UGT2B11: variants seen among roughly 807,000 people sequenced by gnomAD.
UGT2B11 encodes the protein UDP-glucuronosyltransferase 2B11.
Under a neutral mutation model 51.7 loss-of-function variants are expected in UGT2B11, and 49 were observed. That is an observed-to-expected ratio of 0.95 (90% CI 0.75 to 1.20). The LOEUF (loss-of-function observed/expected upper bound fraction) is 1.20, where lower values mean the gene tolerates loss of function less well. Ranked by LOEUF, UGT2B11 falls within the 50% of genes most tolerant of loss-of-function variation. The pLI, the probability that UGT2B11 is intolerant of heterozygous loss-of-function variation, is 0.00. For missense variants in UGT2B11, 810 were observed against 622.1 expected (o/e 1.30, Z -3.21); for synonymous variants, 273 against 209.0 (o/e 1.31, Z -2.64).
At chr4:69,207,476 T>C (rs1322272813) in intron 3 of UGT2B11, among the ~76,000 whole-genome samples, 1 of 151,736 alleles carries the variant, frequency 6.6e-6, no homozygotes, top group East Asian at 2.0e-4. Context: ...TCCTACTATG[T>C]TCTATGGAGG....
chr4:69,203,616 T>G (rs1721742689), intron 5 of UGT2B11, among the ~76,000 whole-genome samples: 1 of 151,630 alleles, frequency 6.6e-6, no homozygotes, highest in South Asian at 2.1e-4. Context: ...AACTAAATTA[T>G]GACATATCCA....
rs771602760 is a variant in UGT2B11 at position 69,212,576 on chromosome 4, A to C, written c.867T>G (p.Pro289=). ...GFHCKPAKPL[P]KEMEEFVQSS... ...AAACCAACAAAAGTATGTTTACCTT[A>C]GGTAGGGGTTTGGCAGGTTTGCAGT... The change falls in exon 2 of 6, where the codon CCT becomes CCG. Residue 289 remains proline (P), a synonymous_variant. Transcript: ENST00000446444. 6.2e-7 allele frequency: 1 copy of C among 1,607,026 alleles called. No homozygotes were observed. Among genetic ancestry groups the C allele is most frequent in the Non-Finnish European group, 8.5e-7 (1 of 1,176,410 alleles).
At chr4:69,203,944 T>G (rs1055164708) in intron 5 of UGT2B11, among the ~76,000 whole-genome samples, 3 of 151,640 alleles carry the variant, frequency 2.0e-5, no homozygotes, top group African/African-American at 7.2e-5. Flanking sequence ...ACTGTAAACA[T>G]AGTAAAAATA....
rs531615670 is a variant in UGT2B11, at chr4:69,200,687, A to G, written c.1343T>C (p.Ile448Thr). 1 of 1,611,510 alleles carries G rather than the reference A, an allele frequency of 6.2e-7. No homozygotes were observed. The highest frequency in any genetic ancestry group is 1.3e-5 in the African/African-American group (1 of 74,836). The change falls in exon 6 of 6, where the codon ATT (isoleucine) becomes ACT (threonine). Residue 448 changes from isoleucine (I) to threonine (T), a missense_variant. Coordinates refer to ENST00000446444, the MANE Select transcript of UGT2B11 (RefSeq NM_001073.3). The stretch of plus-strand genomic sequence containing the variant: ...GGGCTTTACTGGTTGATCATGTTGA[A>G]TTCTTGATAATTTCATAATATTCTC... ...YKENIMKLSR[I>T]QHDQPVKPLD...
upstream of UGT2B11, chr4:69,215,028 T>C (rs569756721): frequency 8.2e-5 from 24 of 291,040 alleles, no homozygotes; most frequent in African/African-American, 2.0e-4. Flanking sequence ...AGTGAGAGAG[T>C]CCTGCAGAGC....
chr4:69,207,827 T>C lies in UGT2B11; in HGVS notation c.1002+524A>G, dbSNP rs1022473932. 4.0e-5 allele frequency among the ~76,000 whole-genome samples: 6 copies of C among 151,762 alleles called. No homozygotes were observed. In the South Asian group the frequency reaches 8.3e-4, roughly 21 times the overall value. On this transcript the variant is annotated intron_variant, in intron 3 of 5. Coordinates refer to ENST00000446444, the MANE Select transcript of UGT2B11 (RefSeq NM_001073.3). Reference sequence around the variant, plus strand: ...GTAATAGAGGTGGCCCAAGAGTAAGTGAAATCTTCTTCACTCATTGGATAC... The same window carrying C: ...GTAATAGAGGTGGCCCAAGAGTAAGCGAAATCTTCTTCACTCATTGGATAC...
At chr4:69,222,707 G>T in the UGT2B11 span, among the ~76,000 whole-genome samples, 1 of 152,176 alleles carries the variant, frequency 6.6e-6, no homozygotes, top group Non-Finnish European at 1.5e-5. Flanking sequence ...ATTCTTGCAG[G>T]ACATCTATAC....
chr4:69,218,413 T>G (rs144369477), upstream of UGT2B11, among the ~76,000 whole-genome samples: 6,682 of 152,198 alleles, frequency 0.044, 230 homozygotes, highest in East Asian at 0.2. Context: ...ATTATGATGG[T>G]AATCTTTTGA....
chr4:69,224,049 G>T, the UGT2B11 span, among the ~76,000 whole-genome samples: 1 of 152,116 alleles, frequency 6.6e-6, no homozygotes, highest in Admixed American at 6.6e-5. Flanking sequence ...GTGGGGAACT[G>T]GCCCTTCAAA....
At chr4:69,205,374 G>T (rs979356357) in intron 4 of UGT2B11, 106 bp downstream of exon 4, 3 of 1,423,334 alleles carry the variant, frequency 2.1e-6, no homozygotes, top group Non-Finnish European at 1.9e-6. Flanking sequence ...TAAATACAAA[G>T]AAGTTCTTTT....
chr4:69,220,407 C>T, the UGT2B11 span, among the ~76,000 whole-genome samples: 8 of 151,868 alleles, frequency 5.3e-5, no homozygotes, highest in Admixed American at 2.6e-4. Flanking sequence ...CCACTTCTCA[C>T]GGCTCCACTG....
intron 2 of UGT2B11, among the ~76,000 whole-genome samples, chr4:69,209,953 C>A (rs1721997378): frequency 6.6e-6 from 1 of 151,354 alleles, no homozygotes; most frequent in African/African-American, 2.4e-5. Context: ...AATAATTTTT[C>A]TAAAATTTCT....
upstream of UGT2B11, among the ~76,000 whole-genome samples, chr4:69,219,488 G>A (rs1193530628): frequency 6.6e-6 from 1 of 151,814 alleles, no homozygotes; most frequent in East Asian, 1.9e-4. Context: ...GGGTTTTATA[G>A]TTTATGATAC....
At chr4:69,217,977 G>T (rs538372612), upstream of UGT2B11, among the ~76,000 whole-genome samples, 1 of 152,072 alleles carries the variant, frequency 6.6e-6, no homozygotes, top group Non-Finnish European at 1.5e-5. Flanking sequence ...TGAGGACTCT[G>T]CCTTCGTGAC....
intron 5 of UGT2B11, chr4:69,201,204 TTTTAAGTGCTGTAAGAAAGA>T (rs1269779595): frequency 6.6e-6 from 1 of 152,078 alleles, no homozygotes; most frequent in African/African-American, 2.4e-5. Context: ...TCATGAGCCA[TTTTAAGTGCTGTAAGAAAGA>T]CTATGAAAAT....
chr4:69,207,136 C>G (rs1007563834), intron 3 of UGT2B11, among the ~76,000 whole-genome samples: 1 of 151,488 alleles, frequency 6.6e-6, no homozygotes, highest in African/African-American at 2.4e-5. Flanking sequence ...AATGAATAAA[C>G]TCAAAATTGT....
rs563568541 is a variant in UGT2B11, at chr4:69,211,805, A to G, written c.870+768T>C. Among the ~76,000 whole-genome samples the G allele has an allele frequency of 5.9e-5, 9 of 151,344 alleles. No homozygotes were observed. In the East Asian group the frequency reaches 1.8e-3, roughly 29 times the overall value. On this transcript the variant is annotated intron_variant, in intron 2 of 5. Transcript: ENST00000446444. ...ATTGAATATCTTGGAGGCTTTTCTT[A>G]AAAAAGAGAATCGTTTCATATATAT...
At chr4:69,203,620 A>G (rs899060806) in intron 5 of UGT2B11, among the ~76,000 whole-genome samples, 3 of 151,766 alleles carry the variant, frequency 2.0e-5, no homozygotes, top group Non-Finnish European at 2.9e-5. Flanking sequence ...AAATTATGAC[A>G]TATCCATACT....
At chr4:69,220,168 GA>G in the UGT2B11 span, among the ~76,000 whole-genome samples, 5 of 152,116 alleles carry the variant, frequency 3.3e-5, no homozygotes, top group African/African-American at 9.7e-5. Flanking sequence ...AAATCCAGGG[GA>G]CAGTCATTGC....
Sources: gnomAD v4.1 joint callset for allele counts (sites outside exome capture counted in the v4.1 genomes callset) on GRCh38, gnomAD v4.1.1 for gene constraint, MANE v1.5 for transcripts, NCBI Gene and HGNC (gene_info 2026-07-23, HGNC 2026-07-21) for gene names.